Variants in SDF2 observed in about 807,000 individuals in gnomAD.
SDF2 encodes the protein stromal cell derived factor 2.
A neutral mutation model predicts 20.5 loss-of-function variants in SDF2; 12 were observed. That is an observed-to-expected ratio of 0.58 (90% confidence interval 0.37 to 0.95). SDF2 has a LOEUF of 0.95. Among genes scored for constraint, SDF2 ranks in the 40% least tolerant of loss-of-function variants. The pLI is 0.01. For missense variants in SDF2, 238 were observed against 263.1 expected (o/e 0.90, Z 0.66); for synonymous variants, 100 against 101.0 (o/e 0.99, Z 0.06).
intron 2 of SDF2, 76 bp downstream of exon 2, chr17:28,655,211 A>T: frequency 7.2e-7 from 1 of 1,388,436 alleles, no homozygotes; most frequent in Non-Finnish European, 1.0e-6. Context: ...GAAAAGAAAC[A>T]TTTAAGAACC....
intron 2 of SDF2, among the ~76,000 whole-genome samples, chr17:28,652,995 A>G (rs1008037887): frequency 7.2e-5 from 11 of 152,338 alleles, no homozygotes; most frequent in Admixed American, 5.9e-4. Flanking sequence ...ATAACTGAAT[A>G]AATAAATAAA....
At chr17:28,650,528 G>A (rs938427520) in intron 2 of SDF2, among the ~76,000 whole-genome samples, 2 of 151,122 alleles carry the variant, frequency 1.3e-5, no homozygotes, top group Non-Finnish European at 2.9e-5. Flanking sequence ...GCTCATGCCT[G>A]TAATCCCAGT....
At chr17:28,651,814 A>G (rs2071916930) in intron 2 of SDF2, among the ~76,000 whole-genome samples, 1 of 152,072 alleles carries the variant, frequency 6.6e-6, no homozygotes, top group South Asian at 2.1e-4. Context: ...ACTCTACTTG[A>G]TAAAATTGTT....
In SDF2 at chr17:28,649,164, G is replaced by A. The variant is rs768632133; in HGVS notation, c.461C>T (p.Ser154Phe). Residue 154 changes from serine to phenylalanine, a missense_variant, in exon 3 of 3, where the codon TCC becomes TTC. Transcript: ENST00000247020. ...RDGEVRFKHS[S>F]TEVLLSVTGE... ...TGTGACAGACAGCAGTACCTCAGTG[G>A]AAGAGTGTTTGAACCGCACCTCACC... 1.2e-5 allele frequency: 20 copies of A among 1,614,228 alleles called. No homozygotes were observed. Among genetic ancestry groups the A allele is most frequent in the Non-Finnish European group, 1.7e-5 (20 of 1,180,048 alleles).
chr17:28,648,667 C>A lies in SDF2; in HGVS notation c.*322G>T. On this transcript the variant is annotated 3_prime_UTR_variant, in exon 3 of 3. Transcript: ENST00000247020. ...TCACATACATTAACAGTCCATGATG[C>A]CAAGCTCCTGAAGAGTAAAAGTTTC... 1 of 356,094 alleles carries A rather than the reference C, an allele frequency of 2.8e-6. No individual in the cohort carries two copies. Among genetic ancestry groups the A allele is most frequent in the South Asian group, 4.1e-5 (1 of 24,490 alleles). The allele number at this position is 356,094 out of a possible 1,614,324, so 22.1% of individuals were successfully genotyped here.
intron 2 of SDF2, among the ~76,000 whole-genome samples, chr17:28,650,818 A>AC (rs2071908248): frequency 6.6e-6 from 1 of 151,274 alleles, no homozygotes. Context: ...AAAAAAAAAA[A>AC]AAAAAAAAAA....
Position 28,649,030 on chromosome 17 carries a change from T to G in SDF2, c.595A>C (p.Ser199Arg). The G allele has an allele frequency of 6.2e-7, 1 of 1,614,246 alleles. No individual in the cohort carries two copies. Among genetic ancestry groups the G allele is most frequent in the South Asian group, 1.1e-5 (1 of 91,090 alleles). The change falls in exon 3 of 3, where the codon AGT (serine) becomes CGT (arginine). Residue 199 changes from serine (S) to arginine (R), a missense_variant. Transcript: ENST00000247020. ...KAMEGIFMKP[S>R]ELLKAEAHHA... ...TGGGCTTCTGCCTTCAACAACTCACTGGGCTTCATGAAGATGCCTTCCATG... is the reference window on the plus strand; with the variant it reads ...TGGGCTTCTGCCTTCAACAACTCACGGGGCTTCATGAAGATGCCTTCCATG...
chr17:28,648,931 A>G lies in SDF2; in HGVS notation c.*58T>C, dbSNP rs1001059187. On this transcript the variant is annotated 3_prime_UTR_variant, in exon 3 of 3. Transcript: ENST00000247020. ...AACTTGTGGCAGGGATCCCAAGGTG[A>G]GGCAGCAACAGATGTCTGTGAACAT... The G allele has an allele frequency of 1.3e-6, 2 of 1,559,662 alleles. No individual in the cohort carries two copies. The highest frequency in any genetic ancestry group is 2.7e-5 in the African/African-American group (2 of 73,812).
chr17:28,652,493 A>G (rs2071923315), intron 2 of SDF2, among the ~76,000 whole-genome samples: 1 of 152,108 alleles, frequency 6.6e-6, no homozygotes, highest in Admixed American at 6.6e-5. Flanking sequence ...GTACTTTAGT[A>G]GATACGGGGT....
chr17:28,654,718 G>A (rs554743058), intron 2 of SDF2, among the ~76,000 whole-genome samples: 6 of 152,178 alleles, frequency 3.9e-5, no homozygotes, highest in African/African-American at 1.2e-4. Flanking sequence ...TTGGGAGGCC[G>A]AAGTGGGCAG....
In SDF2 at chr17:28,661,824, G is replaced by A. The variant is rs1383081312; in HGVS notation, c.53C>T (p.Ala18Val). The part of the protein sequence containing the change: ...LLGGLWSAVG[A>V]SSLGVVTCGS... ...GCAAGTAACGACACCCAGGCTGGAC[G>A]CTCCCACAGCGCTCCACAAACCCCC... The change falls in exon 1 of 3, where the codon GCG becomes GTG. Residue 18 changes from alanine (A) to valine (V), a missense_variant. By Grantham distance (64) the Ala-to-Val change is moderately conservative. Transcript: ENST00000247020. 2.5e-6 allele frequency: 4 copies of A among 1,613,972 alleles called. No homozygotes were observed. The highest frequency in any genetic ancestry group is 4.5e-5 in the East Asian group (2 of 44,892).
intron 2 of SDF2, among the ~76,000 whole-genome samples, chr17:28,655,038 G>A (rs2071947829): frequency 1.3e-5 from 2 of 152,094 alleles, no homozygotes; most frequent in South Asian, 2.1e-4. Context: ...ACTGAGGCAG[G>A]AGACTTGCTT....
At chr17:28,656,030 G>A (rs531510908) in intron 1 of SDF2, 2 of 153,580 alleles carry the variant, frequency 1.3e-5, no homozygotes, top group Admixed American at 1.3e-4. Context: ...AACAGCAAGT[G>A]AGCTCAGCCT....
At position 28,648,556 on chromosome 17, in the gene SDF2, A is replaced by C. The variant is rs622463; in HGVS notation, c.*433T>G. ...ACTCAAAGGATTAAGCAGCTAATGA[A>C]ATAGCACACCTAATAAATAACAACA... On this transcript the variant is annotated 3_prime_UTR_variant, in exon 3 of 3. Coordinates refer to ENST00000247020, the MANE Select transcript of SDF2 (RefSeq NM_006923.4). 0.26 allele frequency: 48,887 copies of C among 186,342 alleles called. 6,792 individuals carry two copies. The highest frequency in any genetic ancestry group is 0.34 in the African/African-American group (14,424 of 42,446). 11.5% of individuals were successfully genotyped at this position (186,342 alleles called of 1,614,324 possible).
chr17:28,653,503 G>A (rs949004816), intron 2 of SDF2, among the ~76,000 whole-genome samples: 11 of 152,260 alleles, frequency 7.2e-5, no homozygotes, highest in African/African-American at 2.4e-4. Context: ...TTTTGGAATG[G>A]AAAAAGAACA....
chr17:28,657,386 G>A (rs897336011), intron 1 of SDF2, among the ~76,000 whole-genome samples: 3 of 151,550 alleles, frequency 2.0e-5, no homozygotes, highest in Non-Finnish European at 2.9e-5. Flanking sequence ...GTCTCTAAAC[G>A]TACATATATA....
intron 1 of SDF2, among the ~76,000 whole-genome samples, chr17:28,658,647 GT>G (rs2071989688): frequency 6.6e-6 from 1 of 152,136 alleles, no homozygotes; most frequent in African/African-American, 2.4e-5. Flanking sequence ...AGTCTCCTAT[GT>G]CTACTTCTTT....
rs1418728963 is a variant in SDF2 at position 28,661,736 on chromosome 17, G to C, written c.141C>G (p.Arg47=). 6.2e-7 allele frequency: 1 copy of C among 1,613,514 alleles called. No individual in the cohort carries two copies. Among genetic ancestry groups the C allele is most frequent in the Non-Finnish European group, 8.5e-7 (1 of 1,179,728 alleles). ...GGTCCCCAGCATTACCTGACCCATA[G>C]CGCACGTCGTGTGAGTGCAGTCGGA... ...HNVRLHSHDV[R]YGSGSGQQSV... is the part of the protein sequence containing the mutation. Residue 47 remains arginine, a synonymous_variant, in exon 1 of 3, where the codon CGC becomes CGG. Coordinates refer to ENST00000247020, the MANE Select transcript of SDF2 (RefSeq NM_006923.4).
In SDF2 at chr17:28,658,998, G is replaced by A. The variant is rs554543413; in HGVS notation, c.151+2728C>T. Reference sequence around the variant, plus strand: ...AGACGATGGGAGGCCGGACAGAGGCGCTCCTCCCCTCCCAGACGGGGCGGC... The same window carrying A: ...AGACGATGGGAGGCCGGACAGAGGCACTCCTCCCCTCCCAGACGGGGCGGC... On this transcript the variant is annotated intron_variant, in intron 1 of 2. Coordinates refer to ENST00000247020, the MANE Select transcript of SDF2 (RefSeq NM_006923.4). Among the ~76,000 whole-genome samples the A allele has an allele frequency of 1.7e-4, 25 of 145,708 alleles. No homozygotes were observed. The East Asian group carries it at 2.4e-3, about 14-fold the overall frequency.
Sources: gnomAD v4.1 joint callset for allele counts (sites outside exome capture counted in the v4.1 genomes callset) on GRCh38, gnomAD v4.1.1 for gene constraint, MANE v1.5 for transcripts, NCBI Gene and HGNC (gene_info 2026-07-23, HGNC 2026-07-21) for gene names.